The following PDE8B variants were observed in gnomAD, a reference collection of about 807,000 sequenced individuals.
The protein encoded by PDE8B is high affinity cAMP-specific and IBMX-insensitive 3',5'-cyclic phosphodiesterase 8B.
A neutral mutation model predicts 101.3 loss-of-function variants in PDE8B; 26 were observed. The ratio of observed to expected loss-of-function variants is 0.26; its 90% CI spans 0.19 to 0.36. The LOEUF (loss-of-function observed/expected upper bound fraction) is 0.36. PDE8B is among the 10% of genes least tolerant of loss of function. PDE8B has a pLI of 1.00. For synonymous variants in PDE8B, 424 were observed against 429.3 expected (o/e 0.99, Z 0.15); for missense variants, 810 against 1,163.1 (o/e 0.70, Z 4.42).
At chr5:77,126,735 A>G in the PDE8B span, among the ~76,000 whole-genome samples, 1 of 152,266 alleles carries the variant, frequency 6.6e-6, no homozygotes, top group Non-Finnish European at 1.5e-5. Context: ...AACTTTTAAG[A>G]AGATAAATGC....
the PDE8B span, among the ~76,000 whole-genome samples, chr5:77,188,072 A>C: frequency 1.4e-4 from 22 of 152,192 alleles, no homozygotes; most frequent in African/African-American, 4.3e-4. Context: ...GTTAGTATTA[A>C]AAAATAAATT....
At chr5:77,420,708 C>T (rs1796464917) in intron 19 of PDE8B, among the ~76,000 whole-genome samples, 1 of 152,062 alleles carries the variant, frequency 6.6e-6, no homozygotes, top group Non-Finnish European at 1.5e-5. Flanking sequence ...ACACCAGAGC[C>T]CTCTCCTTCC....
At chr5:77,408,790 G>C in intron 13 of PDE8B, 103 bp from the exon 14 acceptor site, 1 of 920,168 alleles carries the variant, frequency 1.1e-6, no homozygotes, top group Non-Finnish European at 1.8e-6. Context: ...TTTTGAATAA[G>C]AGATGGTTAC....
intron 10 of PDE8B, among the ~76,000 whole-genome samples, chr5:77,397,159 A>G (rs139702248): frequency 0.015 from 2,236 of 149,328 alleles, 25 homozygotes; most frequent in Non-Finnish European, 0.024. Context: ...CCTCCCGAGT[A>G]GCGGGGACTA....
intron 1 of PDE8B, among the ~76,000 whole-genome samples, chr5:77,216,570 A>G (rs192249112): frequency 2.0e-5 from 3 of 152,330 alleles, no homozygotes. Context: ...TATGGAAGCT[A>G]CAATTCAAGA....
intron 1 of PDE8B, among the ~76,000 whole-genome samples, chr5:77,223,459 A>G (rs1751646133): frequency 7.1e-6 from 1 of 141,588 alleles, no homozygotes; most frequent in Non-Finnish European, 1.5e-5. Flanking sequence ...ATTACACTGC[A>G]TCTCAGTAGG....
At chr5:77,258,736 T>A (rs1759734048) in intron 1 of PDE8B, among the ~76,000 whole-genome samples, 1 of 152,142 alleles carries the variant, frequency 6.6e-6, no homozygotes, top group African/African-American at 2.4e-5. Flanking sequence ...CTGATCTTAA[T>A]CAAAACTCCC....
At chr5:77,361,014 C>T (rs1166550315) in intron 10 of PDE8B, among the ~76,000 whole-genome samples, 1 of 152,210 alleles carries the variant, frequency 6.6e-6, no homozygotes, top group Non-Finnish European at 1.5e-5. Flanking sequence ...ATTATATAAG[C>T]ATGCATTTAA....
At chr5:77,412,946 A>T (rs932457045) in intron 16 of PDE8B, among the ~76,000 whole-genome samples, 165 bp from the exon 17 acceptor site, 1 of 152,138 alleles carries the variant, frequency 6.6e-6, no homozygotes, top group Non-Finnish European at 1.5e-5. Context: ...GACTGGTGAG[A>T]AGGAGAGATC....
chr5:77,289,250 A>G (rs550797411), intron 1 of PDE8B, among the ~76,000 whole-genome samples: 2 of 152,364 alleles, frequency 1.3e-5, no homozygotes, highest in African/African-American at 4.8e-5. Context: ...TTTTAAACTC[A>G]TGATCAGCTG....
chr5:77,140,416 G>A, the PDE8B span: 2 of 152,104 alleles, frequency 1.3e-5, no homozygotes, highest in African/African-American at 4.8e-5. Context: ...TCCCAAGGGT[G>A]TTAAAATCCC....
chr5:77,333,168 G>A (rs981166328), intron 5 of PDE8B, among the ~76,000 whole-genome samples: 6 of 152,110 alleles, frequency 3.9e-5, no homozygotes, highest in African/African-American at 9.7e-5. Context: ...TATTTTTCAC[G>A]CTCCTAACAC....
chr5:77,210,206 G>T (rs1012370606), upstream of PDE8B, among the ~76,000 whole-genome samples: 1 of 152,162 alleles, frequency 6.6e-6, no homozygotes, highest in Non-Finnish European at 1.5e-5. This position sits in a 1 kb window ranked among gnomAD's most constrained non-coding sequence, Gnocchi z 4.9. Context: ...GGGCTGGGGC[G>T]CTGGGGGCGG....
chr5:77,386,535 CCTT>C (rs1308134178), intron 10 of PDE8B, among the ~76,000 whole-genome samples: 2 of 152,092 alleles, frequency 1.3e-5, no homozygotes, highest in African/African-American at 4.8e-5. Context: ...TATGTAATGG[CCTT>C]CTTTTTCTCT....
intron 10 of PDE8B, among the ~76,000 whole-genome samples, chr5:77,394,216 A>G (rs1465717730): frequency 2.0e-5 from 3 of 152,202 alleles, no homozygotes; most frequent in African/African-American, 4.8e-5. Flanking sequence ...CCCGTTCATC[A>G]TGGAACGGCC....
the PDE8B span, among the ~76,000 whole-genome samples, chr5:77,122,569 G>A: frequency 2.0e-5 from 3 of 151,560 alleles, no homozygotes; most frequent in Non-Finnish European, 2.9e-5. Context: ...GTGATGGTGA[G>A]GGGGGCAATC....
intron 1 of PDE8B, among the ~76,000 whole-genome samples, chr5:77,283,242 AC>A (rs1295800421): frequency 9.9e-5 from 15 of 151,622 alleles, no homozygotes; most frequent in Admixed American, 9.9e-4. Flanking sequence ...ACCCTGCACC[AC>A]CCCCCACTCC....
intron 5 of PDE8B, among the ~76,000 whole-genome samples, chr5:77,333,561 A>G (rs551849156): frequency 6.6e-6 from 1 of 152,348 alleles, no homozygotes; most frequent in South Asian, 2.1e-4. Flanking sequence ...TTTATCGATC[A>G]GGACCCATGT....
chr5:77,348,821 T>C (rs1313150485), intron 7 of PDE8B, among the ~76,000 whole-genome samples: 1 of 152,164 alleles, frequency 6.6e-6, no homozygotes, highest in African/African-American at 2.4e-5. Flanking sequence ...TAGCAGGGAC[T>C]ACAGGTGTGT....
Sources: allele counts gnomAD v4.1 joint callset (sites outside exome capture counted in the v4.1 genomes callset), GRCh38; gene constraint gnomAD v4.1.1; non-coding constraint Gnocchi (gnomAD v3.1); transcripts MANE v1.5; gene names NCBI Gene and HGNC (gene_info 2026-07-23, HGNC 2026-07-21).